SENP6: variants seen among roughly 807,000 people sequenced by gnomAD.
SENP6 encodes the protein sentrin-specific protease 6.
SENP6 carries 41 observed loss-of-function variants against 134.5 expected under a neutral mutation model. The ratio of observed to expected loss-of-function variants is 0.30; its 90% CI spans 0.24 to 0.40. SENP6 has a LOEUF of 0.40. SENP6 is among the 10% of genes least tolerant of loss of function. The pLI is 1.00. For missense variants in SENP6, 1,248 were observed against 1,312.5 expected (o/e 0.95, Z 0.76); for synonymous variants, 395 against 429.8 (o/e 0.92, Z 1.00).
intron 1 of SENP6, chr6:75,612,021 T>G (rs1231596805): frequency 1.3e-5 from 2 of 152,220 alleles, no homozygotes; most frequent in African/African-American, 4.8e-5. Context: ...TCTATTAGTT[T>G]GTCTTCTATA....
intron 1 of SENP6, among the ~76,000 whole-genome samples, chr6:75,615,220 G>T (rs945912343): frequency 2.6e-5 from 4 of 151,622 alleles, no homozygotes; most frequent in African/African-American, 9.7e-5. Context: ...TTGCTGTGTC[G>T]CGCAGGCTGA....
At chr6:75,686,951 A>G (rs983292177) in intron 16 of SENP6, among the ~76,000 whole-genome samples, 1 of 152,174 alleles carries the variant, frequency 6.6e-6, no homozygotes, top group Admixed American at 6.5e-5. Context: ...CTGCCTTGCT[A>G]GGCTGGGGAA....
chr6:75,670,688 A>G lies in SENP6; in HGVS notation c.1360A>G (p.Thr454Ala). 1 of 1,612,398 alleles carries G rather than the reference A, an allele frequency of 6.2e-7. No individual in the cohort carries two copies. The highest frequency in any genetic ancestry group is 8.5e-7 in the Non-Finnish European group (1 of 1,179,036). ...AAACTGTCGAAGTATACGAGTAGGA[A>G]CACTCTTCCGGCTGTTAATAGAGCC... Reference protein sequence around the residue: ...ILNCRSIRVGTLFRLLIEPVI... With the variant: ...ILNCRSIRVGALFRLLIEPVI... Residue 454 changes from threonine to alanine, a missense_variant, in exon 11 of 24, where the codon ACA becomes GCA. Physicochemically the swap from Thr to Ala is moderately conservative, Grantham distance 58. Coordinates refer to ENST00000447266, the MANE Select transcript of SENP6 (RefSeq NM_015571.4).
intron 1 of SENP6, among the ~76,000 whole-genome samples, chr6:75,605,520 A>T (rs568460337): frequency 6.6e-6 from 1 of 152,362 alleles, no homozygotes; most frequent in African/African-American, 2.4e-5. Flanking sequence ...GCCATTTTAC[A>T]TAGCATTGAA....
intron 5 of SENP6, among the ~76,000 whole-genome samples, chr6:75,638,026 G>A (rs1769659445): frequency 1.3e-5 from 2 of 151,784 alleles, no homozygotes; most frequent in Admixed American, 1.3e-4. Context: ...GCTAATATTT[G>A]TGTGTGTGTG....
chr6:75,619,851 G>A (rs1433534163), intron 1 of SENP6, among the ~76,000 whole-genome samples: 1 of 152,118 alleles, frequency 6.6e-6, no homozygotes, highest in Non-Finnish European at 1.5e-5. Context: ...AGCACTTTGA[G>A]TGGCTGAGGC....
chr6:75,634,651 A>T, intron 4 of SENP6, 56 bp from the exon 5 acceptor site: 1 of 939,414 alleles, frequency 1.1e-6, no homozygotes, highest in Non-Finnish European at 1.6e-6. Context: ...TTTTTTTTAT[A>T]AATGTGTATA....
intron 1 of SENP6, among the ~76,000 whole-genome samples, chr6:75,617,578 G>T (rs939289834): frequency 6.6e-6 from 1 of 151,890 alleles, no homozygotes; most frequent in East Asian, 1.9e-4. Flanking sequence ...GTGCCCGGCC[G>T]GTTTAGAGAA....
intron 11 of SENP6, among the ~76,000 whole-genome samples, chr6:75,674,580 G>T (rs1471834912): frequency 6.6e-6 from 1 of 152,096 alleles, no homozygotes; most frequent in African/African-American, 2.4e-5. Flanking sequence ...AAAATGCTGG[G>T]ATAACAGTTA....
intron 7 of SENP6, among the ~76,000 whole-genome samples, chr6:75,657,245 TTTCAGAC>T (rs543478230): frequency 3.9e-5 from 6 of 152,222 alleles, no homozygotes; most frequent in Non-Finnish European, 7.3e-5. Context: ...TGGTTGTGTG[TTTCAGAC>T]AACTGTGTTT....
In SENP6 at chr6:75,698,452, T is replaced by G. The variant is rs542544497; in HGVS notation, c.2288+935T>G. 5.9e-5 allele frequency among the ~76,000 whole-genome samples: 9 copies of G among 152,260 alleles called. No homozygotes were observed. The East Asian group carries it at 1.7e-3, about 29-fold the overall frequency. The stretch of plus-strand genomic sequence containing the variant: ...TCCTGGAGTTGGTATTCTATGAGAT[T>G]GTTTATGTCTAATAAGCCTAGCTGT... On this transcript the variant is annotated intron_variant, in intron 18 of 23. Coordinates refer to ENST00000447266, the MANE Select transcript of SENP6 (RefSeq NM_015571.4).
rs1316009580 is a variant in SENP6, at chr6:75,702,897, C to T, written c.2541C>T (p.Asp847=). The T allele has an allele frequency of 6.2e-7, 1 of 1,613,934 alleles. No homozygotes were observed. The highest frequency in any genetic ancestry group is 8.5e-7 in the Non-Finnish European group (1 of 1,180,006). ...CCAATCCTGGGCAGGAAGAAAGTGA[C>T]CCTCGTTATAAGAGAAACATATGCA... The part of the protein sequence containing the change: ...IDSNPGQEES[D]PRYKRNICSV... Residue 847 remains aspartate (D), a synonymous_variant, in exon 19 of 24, where the codon GAC becomes GAT. Transcript: ENST00000447266.
At chr6:75,653,275 C>T (rs1323915551) in intron 7 of SENP6, among the ~76,000 whole-genome samples, 1 of 152,184 alleles carries the variant, frequency 6.6e-6, no homozygotes, top group African/African-American at 2.4e-5. Flanking sequence ...AGGTGATCCC[C>T]CCGCCTCGGC....
intron 16 of SENP6, among the ~76,000 whole-genome samples, chr6:75,687,151 TTCAA>T (rs1412888226): frequency 6.6e-6 from 1 of 152,240 alleles, no homozygotes; most frequent in African/African-American, 2.4e-5. Flanking sequence ...TAATTTGACC[TTCAA>T]TCACTGATAC....
At chr6:75,661,551 A>G (rs1771774634) in intron 8 of SENP6, among the ~76,000 whole-genome samples, 1 of 152,262 alleles carries the variant, frequency 6.6e-6, no homozygotes, top group Non-Finnish European at 1.5e-5. Context: ...TCACCTAGGT[A>G]TTAAACACAG....
At chr6:75,656,281 T>C (rs1200479782) in intron 7 of SENP6, among the ~76,000 whole-genome samples, 2 of 152,048 alleles carry the variant, frequency 1.3e-5, no homozygotes, top group African/African-American at 2.4e-5. Flanking sequence ...CTAATCTTCA[T>C]GTTCCTACCG....
intron 1 of SENP6, among the ~76,000 whole-genome samples, chr6:75,621,121 G>A (rs1367849121): frequency 6.6e-6 from 1 of 152,140 alleles, no homozygotes; most frequent in Non-Finnish European, 1.5e-5. Context: ...TTAAAAGGCA[G>A]GTATCGTTGA....
At chr6:75,659,527 T>G (rs1771615039) in intron 8 of SENP6, 120 bp downstream of exon 8, 2 of 885,976 alleles carry the variant, frequency 2.3e-6, no homozygotes, top group Non-Finnish European at 3.4e-6. Context: ...TTGGAAAACT[T>G]ATTTAGGCAG....
At chr6:75,650,326 C>T (rs995156097) in intron 7 of SENP6, among the ~76,000 whole-genome samples, 7 of 152,078 alleles carry the variant, frequency 4.6e-5, no homozygotes, top group African/African-American at 1.7e-4. Flanking sequence ...GTAAAATTAC[C>T]GTTTTTCCCT....
Sources: allele counts gnomAD v4.1 joint callset (sites outside exome capture counted in the v4.1 genomes callset), GRCh38; gene constraint gnomAD v4.1.1; transcripts MANE v1.5; gene names NCBI Gene and HGNC (gene_info 2026-07-23, HGNC 2026-07-21).